Variants in DPY19L3 observed in about 807,000 individuals in gnomAD.
The protein encoded by DPY19L3 is protein C-mannosyl-transferase DPY19L3.
DPY19L3 carries 51 observed loss-of-function variants against 92.3 expected under a neutral mutation model. The observed-to-expected ratio is 0.55, with a 90% CI of 0.44 to 0.70. DPY19L3 has a LOEUF of 0.70. DPY19L3 is among the 30% of genes least tolerant of loss of function. The probability of loss-of-function intolerance (pLI) is 0.00; values close to 1 mark genes in which losing one functional copy is unlikely to be tolerated. For synonymous variants in DPY19L3, 309 were observed against 315.2 expected (o/e 0.98, Z 0.21); for missense variants, 706 against 855.9 (o/e 0.82, Z 2.18).
chr19:32,424,396 A>G (rs936294212), intron 3 of DPY19L3, among the ~76,000 whole-genome samples: 1 of 151,848 alleles, frequency 6.6e-6, no homozygotes, highest in Non-Finnish European at 1.5e-5. Context: ...ACTGGAAGTC[A>G]GAAAGTTTGA....
intron 16 of DPY19L3, among the ~76,000 whole-genome samples, chr19:32,472,049 C>G (rs1397469641): frequency 6.6e-6 from 1 of 152,174 alleles, no homozygotes; most frequent in East Asian, 1.9e-4. Flanking sequence ...ACCGCTGGGC[C>G]TCGCCTCAGC....
chr19:32,455,914 G>A (rs8107869), intron 10 of DPY19L3, among the ~76,000 whole-genome samples: 83,959 of 151,766 alleles, frequency 0.55, 23,670 homozygotes, highest in East Asian at 0.63. Flanking sequence ...AACTACATTG[G>A]TATCTTCAGA....
At chr19:32,479,497 G>A in intron 17 of DPY19L3, 1 of 338,510 alleles carries the variant, frequency 3.0e-6, no homozygotes, top group Non-Finnish European at 5.8e-6. Flanking sequence ...CTGAGACCTT[G>A]TGCTGGACTG....
At position 32,408,209 on chromosome 19, in the gene DPY19L3, C is replaced by A. The variant is rs1267500530; in HGVS notation, c.-37-8C>A. 1 of 1,412,956 alleles carries A rather than the reference C, an allele frequency of 7.1e-7. No individual in the cohort carries two copies. Among genetic ancestry groups the A allele is most frequent in the Non-Finnish European group, 9.9e-7 (1 of 1,006,516 alleles). 87.5% of individuals were successfully genotyped at this position (1,412,956 alleles called of 1,614,324 possible). A position where few individuals can be genotyped will look rare whatever the true frequency, so the allele number is the denominator to read the frequency against. On this transcript the variant is annotated splice_polypyrimidine_tract_variant and splice_region_variant and intron_variant, in intron 1 of 18. Coordinates refer to ENST00000392250, the MANE Select transcript of DPY19L3 (RefSeq NM_001172774.2). ...ACTGACGTTGATGGCCTGTTTATTG[C>A]TATCTAGGAGTGATTTGGAGAACAA...
Position 32,405,814 on chromosome 19 carries a change from G to A in DPY19L3, c.-133G>A, listed in dbSNP as rs1260303047. 6.6e-6 allele frequency: 1 copy of A among 152,156 alleles called. No individual in the cohort carries two copies. The highest frequency in any genetic ancestry group is 1.5e-5 in the Non-Finnish European group (1 of 68,074). The allele number at this position is 152,156 out of a possible 1,614,324, so 9.4% of individuals were successfully genotyped here. A position where few individuals can be genotyped will look rare whatever the true frequency, so the allele number is the denominator to read the frequency against. ...GCGGTTCTGCCCTCCTTGTACCCGC[G>A]GCGCGCTGCGGCCCGTGGCGCGGCC... On this transcript the variant is annotated 5_prime_UTR_variant, in exon 1 of 19. Transcript: ENST00000392250.
rs1395964956 is a variant in DPY19L3, at chr19:32,446,175, C to T, written c.855+6265C>T. ...AGTTAAAATGTCTATACCACTAGTC[C>T]GTAATAAGTTATTAATGCATAATGT... On this transcript the variant is annotated intron_variant, in intron 8 of 18. Transcript: ENST00000392250. Among the ~76,000 whole-genome samples the T allele has an allele frequency of 5.9e-5, 9 of 152,010 alleles. No homozygotes were observed. In the East Asian group the frequency reaches 1.4e-3, roughly 23 times the overall value.
intron 3 of DPY19L3, among the ~76,000 whole-genome samples, chr19:32,431,519 C>G (rs1968967972): frequency 6.6e-6 from 1 of 152,078 alleles, no homozygotes; most frequent in South Asian, 2.1e-4. Context: ...TATACTTTTA[C>G]AGGTACAGGT....
chr19:32,464,496 G>A (rs1970141692), intron 14 of DPY19L3, among the ~76,000 whole-genome samples: 1 of 151,996 alleles, frequency 6.6e-6, no homozygotes, highest in African/African-American at 2.4e-5. Context: ...TTATATTTCT[G>A]GTAATTTTTT....
intron 3 of DPY19L3, among the ~76,000 whole-genome samples, chr19:32,415,866 C>G (rs903070299): frequency 2.0e-5 from 3 of 152,070 alleles, no homozygotes; most frequent in Admixed American, 2.0e-4. Flanking sequence ...GAAAGTCACA[C>G]GGGATGATGA....
chr19:32,474,933 C>T (rs1190136220), intron 16 of DPY19L3, among the ~76,000 whole-genome samples: 2 of 152,098 alleles, frequency 1.3e-5, no homozygotes, highest in Non-Finnish European at 2.9e-5. Context: ...TGTTTGCCAG[C>T]CCAGCACGTA....
chr19:32,430,012 A>G (rs995340195), intron 3 of DPY19L3, among the ~76,000 whole-genome samples: 1 of 152,254 alleles, frequency 6.6e-6, no homozygotes, highest in Non-Finnish European at 1.5e-5. Flanking sequence ...TATGAAAGAT[A>G]CAACACAAAT....
chr19:32,460,694 A>G (rs1970010821), intron 12 of DPY19L3, among the ~76,000 whole-genome samples: 1 of 152,218 alleles, frequency 6.6e-6, no homozygotes, highest in Admixed American at 6.5e-5. Flanking sequence ...TTACGAATCC[A>G]CTGTGGTATG....
intron 10 of DPY19L3, among the ~76,000 whole-genome samples, chr19:32,457,104 T>A (rs1336297144): frequency 2.6e-5 from 4 of 152,176 alleles, no homozygotes; most frequent in African/African-American, 9.7e-5. Flanking sequence ...CAGTGACCTG[T>A]TCTTGGATTA....
rs1301383404 is a variant in DPY19L3, at chr19:32,485,162, C to T, written c.*2922C>T. The T allele has an allele frequency of 6.6e-6, 1 of 152,120 alleles. No individual in the cohort carries two copies. The highest frequency in any genetic ancestry group is 1.5e-5 in the Non-Finnish European group (1 of 68,028). 9.4% of individuals were successfully genotyped at this position (152,120 alleles called of 1,614,324 possible). A position where few individuals can be genotyped will look rare whatever the true frequency, so the allele number is the denominator to read the frequency against. On this transcript the variant is annotated 3_prime_UTR_variant, in exon 19 of 19. Coordinates refer to ENST00000392250, the MANE Select transcript of DPY19L3 (RefSeq NM_001172774.2). ...TATTACACAGTTTAGGTTATGATTC[C>T]CTACTTTAACCTACTTACTTTATTA...
intron 12 of DPY19L3, among the ~76,000 whole-genome samples, chr19:32,460,364 T>C (rs146266370): frequency 6.6e-6 from 1 of 152,262 alleles, no homozygotes; most frequent in Non-Finnish European, 1.5e-5. Context: ...TGAACTATAA[T>C]TGCACCATTG....
intron 3 of DPY19L3, among the ~76,000 whole-genome samples, chr19:32,421,635 A>G (rs1159577978): frequency 8.3e-6 from 1 of 120,772 alleles, no homozygotes; most frequent in Non-Finnish European, 1.9e-5. Context: ...CTCAAAAAAA[A>G]AAAAAAAAAA....
chr19:32,436,629 T>A, intron 5 of DPY19L3, 62 bp downstream of exon 5: 1 of 1,317,392 alleles, frequency 7.6e-7, no homozygotes, highest in Non-Finnish European at 1.0e-6. Flanking sequence ...CATTTTGAAC[T>A]GAAAGTTATC....
At chr19:32,436,764 A>G (rs1190560366) in intron 5 of DPY19L3, among the ~76,000 whole-genome samples, 197 bp downstream of exon 5, 4 of 152,192 alleles carry the variant, frequency 2.6e-5, no homozygotes, top group Non-Finnish European at 5.9e-5. Flanking sequence ...AGGTTTTTGT[A>G]CACAGATGCT....
At chr19:32,458,698 C>T (rs752388755) in intron 12 of DPY19L3, among the ~76,000 whole-genome samples, 189 bp downstream of exon 12, 6 of 152,150 alleles carry the variant, frequency 3.9e-5, no homozygotes, top group Non-Finnish European at 7.4e-5. Flanking sequence ...GATCAGATTG[C>T]ATGCGGTCTG....
Sources: allele counts gnomAD v4.1 joint callset (sites outside exome capture counted in the v4.1 genomes callset), GRCh38; gene constraint gnomAD v4.1.1; transcripts MANE v1.5; gene names NCBI Gene and HGNC (gene_info 2026-07-23, HGNC 2026-07-21).